The following IQCH variants were observed in gnomAD, a reference collection of about 807,000 sequenced individuals.
The protein encoded by IQCH is IQ domain-containing protein H.
Under a neutral mutation model 117.0 loss-of-function variants are expected in IQCH, and 98 were observed. The observed-to-expected ratio is 0.84, with a 90% confidence interval of 0.71 to 0.99. The LOEUF (loss-of-function observed/expected upper bound fraction) is 0.99, where lower values mean the gene tolerates loss of function less well. Ranked by LOEUF, IQCH falls within the 50% of genes least tolerant of loss-of-function variation. The pLI, the probability that IQCH is intolerant of heterozygous loss-of-function variation, is 0.00. For missense variants in IQCH, 1,102 were observed against 1,243.8 expected (o/e 0.89, Z 1.72); for synonymous variants, 412 against 448.2 (o/e 0.92, Z 1.02).
Position 67,337,077 on chromosome 15 carries a change from CA to C in IQCH, c.492del (p.Ala165GlnfsTer8), listed in dbSNP as rs1968926802. On this transcript the variant is annotated frameshift_variant, in exon 5 of 21. Coordinates refer to ENST00000335894, the MANE Select transcript of IQCH (RefSeq NM_001031715.3). LOFTEE classifies it high-confidence loss of function. ...DPYFTPIPVL[Q>X]ADAHKGILSM... is the part of the protein sequence containing the mutation. The stretch of plus-strand genomic sequence containing the variant: ...CTATTTCACTCCTATACCAGTCTTA[CA>C]AGCAGATGCCCACAAAGGTTAGTGA... The C allele has an allele frequency of 5.6e-6, 9 of 1,613,452 alleles. No homozygotes were observed. Among genetic ancestry groups the C allele is most frequent in the Non-Finnish European group, 6.8e-6 (8 of 1,179,604 alleles).
chr15:67,418,787 A>G (rs1207566703), intron 15 of IQCH, among the ~76,000 whole-genome samples: 3 of 151,982 alleles, frequency 2.0e-5, no homozygotes, highest in African/African-American at 7.3e-5. Flanking sequence ...CATGTTGGCC[A>G]GGCTGGTCTC....
chr15:67,327,179 G>C (rs1968449691), intron 4 of IQCH, among the ~76,000 whole-genome samples: 1 of 152,152 alleles, frequency 6.6e-6, no homozygotes, highest in Non-Finnish European at 1.5e-5. Flanking sequence ...GGTTATATTA[G>C]AAGTGAGTAC....
In IQCH at chr15:67,359,904, T is replaced by G. The variant is rs1219936975; in HGVS notation, c.753+19T>G. The G allele has an allele frequency of 6.2e-7, 1 of 1,605,072 alleles. No individual in the cohort carries two copies. Among genetic ancestry groups the G allele is most frequent in the Non-Finnish European group, 8.5e-7 (1 of 1,171,940 alleles). ...TAGGAAGGTCTGTAATTTGTGTGAC[T>G]AGTTGAAATTTAGGGTCTGTCACCT... is the stretch of plus-strand genomic sequence containing the variant. On this transcript the variant is annotated intron_variant, in intron 8 of 20. Transcript: ENST00000335894. The surrounding 1 kb of genome is among the most constrained non-coding windows in gnomAD (Gnocchi z 4.5).
At chr15:67,274,736 C>T (rs1364648964) in intron 3 of IQCH, among the ~76,000 whole-genome samples, 1 of 152,124 alleles carries the variant, frequency 6.6e-6, no homozygotes, top group Non-Finnish European at 1.5e-5. Flanking sequence ...TGTTTCTTTG[C>T]ATTAAAGGAT....
At chr15:67,282,507 T>G (rs550360838) in intron 4 of IQCH, among the ~76,000 whole-genome samples, 1 of 152,304 alleles carries the variant, frequency 6.6e-6, no homozygotes, top group Non-Finnish European at 1.5e-5. Context: ...CTACCCTGAC[T>G]TTGCCTCCAG....
chr15:67,342,854 A>T lies in IQCH; in HGVS notation c.509-1209A>T, dbSNP rs953854342. 6.6e-6 allele frequency among the ~76,000 whole-genome samples: 1 copy of T among 152,112 alleles called. No individual in the cohort carries two copies. The highest frequency in any genetic ancestry group is 2.4e-5 in the African/African-American group (1 of 41,414). ...GGTTCTCTAACTTCAGCGCACATGA[A>T]TATCTCCTGGAGCCTTCAATAATGC... On this transcript the variant is annotated intron_variant, in intron 5 of 20. Transcript: ENST00000335894. This position sits in a 1 kb window ranked among gnomAD's most constrained non-coding sequence, Gnocchi z 4.7.
chr15:67,332,998 G>C (rs1358009511), intron 4 of IQCH, among the ~76,000 whole-genome samples: 1 of 152,196 alleles, frequency 6.6e-6, no homozygotes, highest in Non-Finnish European at 1.5e-5. Flanking sequence ...GCTGCTGGCA[G>C]ATTTGGTGTC....
intron 5 of IQCH, among the ~76,000 whole-genome samples, chr15:67,340,773 A>G (rs2140672839): frequency 1.3e-5 from 2 of 152,306 alleles, no homozygotes; most frequent in Admixed American, 1.3e-4. Context: ...TTCCTTTATG[A>G]TCTAATTTAT....
Position 67,476,448 on chromosome 15 carries a change from A to C in IQCH, c.2799+630A>C, listed in dbSNP as rs1418994060. On this transcript the variant is annotated intron_variant, in intron 18 of 20. Transcript: ENST00000335894. The surrounding 1 kb of genome is among the most constrained non-coding windows in gnomAD (Gnocchi z 4.1). Reference sequence around the variant, plus strand: ...ACACCTACAGCCTCATTTAACCTTAATCACTTCCTTAGAGGCCCTAGCTCC... The same window carrying C: ...ACACCTACAGCCTCATTTAACCTTACTCACTTCCTTAGAGGCCCTAGCTCC... 2.0e-5 allele frequency among the ~76,000 whole-genome samples: 3 copies of C among 152,154 alleles called. No homozygotes were observed. The highest frequency in any genetic ancestry group is 2.9e-5 in the Non-Finnish European group (2 of 68,020).
intron 4 of IQCH, among the ~76,000 whole-genome samples, chr15:67,288,230 G>A (rs1661866103): frequency 6.6e-6 from 1 of 152,034 alleles, no homozygotes; most frequent in Non-Finnish European, 1.5e-5. Flanking sequence ...GCCATGGGAT[G>A]AAATGTTCTG....
At chr15:67,323,476 T>C (rs2140609025) in intron 4 of IQCH, among the ~76,000 whole-genome samples, 1 of 152,170 alleles carries the variant, frequency 6.6e-6, no homozygotes, top group Non-Finnish European at 1.5e-5. Flanking sequence ...TCTCCTGACC[T>C]CGTGATCTGC....
intron 7 of IQCH, among the ~76,000 whole-genome samples, chr15:67,358,202 C>CTTTTTTTTTTTTTTTTTTT (rs1555462676): frequency 5.0e-4 from 3 of 5,966 alleles, no homozygotes; most frequent in African/African-American, 5.5e-4. Context: ...GAGGCACTTT[C>CTTTTTTTTTTTTTTTTTTT]TTTTCTTTTT....
In IQCH at chr15:67,359,007, A is replaced by G. The variant is rs773135265; in HGVS notation, c.715-840A>G. Among the ~76,000 whole-genome samples the G allele has an allele frequency of 1.3e-5, 2 of 152,250 alleles. No individual in the cohort carries two copies. Among genetic ancestry groups the G allele is most frequent in the Non-Finnish European group, 2.9e-5 (2 of 68,042 alleles). On this transcript the variant is annotated intron_variant, in intron 7 of 20. Transcript: ENST00000335894. This position sits in a 1 kb window ranked among gnomAD's most constrained non-coding sequence, Gnocchi z 4.5. ...AAATCAATGTAAATGGCCAAATCCC[A>G]AGACAGACAGGCCTTCAGGCGAGTG...
chr15:67,353,173 C>A (rs1038755150), intron 6 of IQCH, among the ~76,000 whole-genome samples: 2 of 149,086 alleles, frequency 1.3e-5, no homozygotes, highest in Non-Finnish European at 3.0e-5. Context: ...AAAAAGAAAA[C>A]AAGAACAATT....
In IQCH at chr15:67,465,150, C is replaced by CGCAT; in HGVS notation, c.2530_2533dup (p.Tyr845CysfsTer3). On this transcript the variant is annotated frameshift_variant, in exon 17 of 21. Coordinates refer to ENST00000335894, the MANE Select transcript of IQCH (RefSeq NM_001031715.3). LOFTEE classifies it high-confidence loss of function. The surrounding 1 kb of genome is among the most constrained non-coding windows in gnomAD (Gnocchi z 5.9). ...AGGTGTGGGCAACCGGCCTTAACCTCGCATATAGTGACCAGCTGGCCCTGA... is the reference window on the plus strand; with the variant it reads ...AGGTGTGGGCAACCGGCCTTAACCTCGCATGCATATAGTGACCAGCTGGCCCTGA... 6.2e-7 allele frequency: 1 copy of CGCAT among 1,614,142 alleles called. No individual in the cohort carries two copies. Among genetic ancestry groups the CGCAT allele is most frequent in the South Asian group, 1.1e-5 (1 of 91,070 alleles).
At position 67,416,668 on chromosome 15, in the gene IQCH, C is replaced by T. The variant is rs2081586539; in HGVS notation, c.2098-263C>T. On this transcript the variant is annotated intron_variant, in intron 14 of 20. Coordinates refer to ENST00000335894, the MANE Select transcript of IQCH (RefSeq NM_001031715.3). The surrounding 1 kb of genome is among the most constrained non-coding windows in gnomAD (Gnocchi z 5.1). Reference sequence around the variant, plus strand: ...GCCAGCTGCAGTGGGTCTGAAACCTCGTTTCCTGATGCCCAGAGAGAAGGG... The same window carrying T: ...GCCAGCTGCAGTGGGTCTGAAACCTTGTTTCCTGATGCCCAGAGAGAAGGG... Among the ~76,000 whole-genome samples, 1 of 152,178 alleles carries T rather than the reference C, an allele frequency of 6.6e-6. No individual in the cohort carries two copies. The highest frequency in any genetic ancestry group is 2.1e-4 in the South Asian group (1 of 4,832).
rs375600368 is a variant in IQCH at position 67,465,109 on chromosome 15, G to A, written c.2506-18G>A. 14 of 1,610,724 alleles carry A rather than the reference G, an allele frequency of 8.7e-6. No individual in the cohort carries two copies. The highest frequency in any genetic ancestry group is 4.0e-5 in the African/African-American group (3 of 74,798). On this transcript the variant is annotated intron_variant, in intron 16 of 20. Transcript: ENST00000335894. The surrounding 1 kb of genome is among the most constrained non-coding windows in gnomAD (Gnocchi z 5.9). Reference sequence around the variant, plus strand: ...TTGCTGATTTCACCCTCACTTCTACGGCTCCTGTTTTAATCAGGTGTGGGC... The same window carrying A: ...TTGCTGATTTCACCCTCACTTCTACAGCTCCTGTTTTAATCAGGTGTGGGC...
At position 67,372,358 on chromosome 15, in the gene IQCH, C is replaced by T. The variant is rs757368706; in HGVS notation, c.1001C>T (p.Thr334Met). 7.2e-5 allele frequency: 116 copies of T among 1,613,840 alleles called. No individual in the cohort carries two copies. The highest frequency in any genetic ancestry group is 1.1e-4 in the East Asian group (5 of 44,890). ...GCCCTCCTTCCAGAGTTTGAGCTGA[C>T]GAATAAACTTACCAGATATGACCTT... ...LVALLPEFEL[T>M]NKLTRYDLLS... The change falls in exon 9 of 21, where the codon ACG (threonine) becomes ATG (methionine). Residue 334 changes from threonine (T) to methionine (M), a missense_variant. Physicochemically the swap from Thr to Met is moderately conservative, Grantham distance 81. This residue lies in a region of IQCH where 452 missense variants were observed against 449.6 expected (regional missense o/e 1.01). Coordinates refer to ENST00000335894, the MANE Select transcript of IQCH (RefSeq NM_001031715.3).
In IQCH at chr15:67,437,627, C is replaced by G. The variant is rs1236579649; in HGVS notation, c.2505+16050C>G. 2.0e-5 allele frequency among the ~76,000 whole-genome samples: 3 copies of G among 152,044 alleles called. No individual in the cohort carries two copies. The East Asian group carries it at 5.8e-4, about 29-fold the overall frequency. The stretch of plus-strand genomic sequence containing the variant: ...AGGGAGAGACCAGAGAAAGGTGAAG[C>G]CCAATGCAAGGAAATCCAAAAAATG... On this transcript the variant is annotated intron_variant, in intron 16 of 20. Coordinates refer to ENST00000335894, the MANE Select transcript of IQCH (RefSeq NM_001031715.3).
Sources: allele counts gnomAD v4.1 joint callset (sites outside exome capture counted in the v4.1 genomes callset), GRCh38; gene constraint gnomAD v4.1.1; regional missense constraint gnomAD v4.1.1; non-coding constraint Gnocchi (gnomAD v3.1); transcripts MANE v1.5; gene names NCBI Gene and HGNC (gene_info 2026-07-23, HGNC 2026-07-21).